Variants in SIK2 observed in about 807,000 individuals in gnomAD.
The protein encoded by SIK2 is salt inducible kinase 2.
In SIK2, 29 loss-of-function variants were observed where a neutral mutation model predicts 103.2. The observed-to-expected ratio is 0.28, with a 90% CI of 0.21 to 0.38. SIK2 has a LOEUF of 0.38. Ranked by LOEUF, SIK2 falls within the 10% of genes least tolerant of loss-of-function variation. SIK2 has a pLI of 1.00. For synonymous variants in SIK2, 412 were observed against 446.1 expected (o/e 0.92, Z 0.96); for missense variants, 879 against 1,171.0 (o/e 0.75, Z 3.64).
intron 4 of SIK2, among the ~76,000 whole-genome samples, chr11:111,697,452 A>T (rs1007245317): frequency 9.2e-5 from 14 of 152,202 alleles, no homozygotes; most frequent in African/African-American, 3.4e-4. Context: ...AATAAATAAT[A>T]ATAGCAATGA....
chr11:111,632,834 T>C (rs1279334236), intron 3 of SIK2, among the ~76,000 whole-genome samples: 1 of 152,144 alleles, frequency 6.6e-6, no homozygotes, highest in Non-Finnish European at 1.5e-5. Context: ...ATATTAACAG[T>C]AAAGAATAGA....
At position 111,721,950 on chromosome 11, in the gene SIK2, T is replaced by A; in HGVS notation, c.2055+10T>A. The A allele has an allele frequency of 6.4e-7, 1 of 1,568,946 alleles. No homozygotes were observed. Among genetic ancestry groups the A allele is most frequent in the Non-Finnish European group, 8.6e-7 (1 of 1,158,950 alleles). The stretch of plus-strand genomic sequence containing the variant: ...GCAGCACAGACTCCAGGTGGGTCCT[T>A]CTCCTTGCGAGTCCACCTCACTCTG... On this transcript the variant is annotated intron_variant, in intron 13 of 14. Transcript: ENST00000304987.
intron 3 of SIK2, among the ~76,000 whole-genome samples, chr11:111,659,378 G>C (rs898375546): frequency 6.6e-6 from 1 of 152,152 alleles, no homozygotes; most frequent in Non-Finnish European, 1.5e-5. Flanking sequence ...CCCAACTCTT[G>C]TGAAGGGAAA....
rs750481258 is a variant in SIK2 at position 111,701,208 on chromosome 11, A to G, written c.603+198A>G. 8.5e-5 allele frequency among the ~76,000 whole-genome samples: 13 copies of G among 152,232 alleles called. No homozygotes were observed. Among genetic ancestry groups the G allele is most frequent in the Admixed American group, 2.6e-4 (4 of 15,282 alleles). ...TCTAAGGATAGGTGTTGTCATCCTA[A>G]TATCAGCAGTAATTTAAAGTTAAGT... On this transcript the variant is annotated intron_variant, in intron 5 of 14. Transcript: ENST00000304987. This position sits in a 1 kb window ranked among gnomAD's most constrained non-coding sequence, Gnocchi z 4.2.
At chr11:111,618,746 T>C (rs1379061985) in intron 2 of SIK2, among the ~76,000 whole-genome samples, 1 of 152,174 alleles carries the variant, frequency 6.6e-6, no homozygotes, top group Non-Finnish European at 1.5e-5. Flanking sequence ...AATTTTTTTT[T>C]AAAAGAAAAC....
At chr11:111,700,333 A>C (rs1344337527) in intron 4 of SIK2, among the ~76,000 whole-genome samples, 1 of 152,210 alleles carries the variant, frequency 6.6e-6, no homozygotes, top group Non-Finnish European at 1.5e-5. Flanking sequence ...TTAATGAGCT[A>C]TTCAGATGGT....
rs754802911 is a variant in SIK2, at chr11:111,703,188, T to C, written c.728-15T>C. The C allele has an allele frequency of 2.2e-5, 36 of 1,611,516 alleles. No homozygotes were observed. The highest frequency in any genetic ancestry group is 2.9e-5 in the Non-Finnish European group (34 of 1,178,198). On this transcript the variant is annotated splice_polypyrimidine_tract_variant and intron_variant, in intron 6 of 14. Transcript: ENST00000304987. ...GGTGATTCTTGTGACTTTTGTAACA[T>C]TGTGTTTTCTATAGATTGCGAGCAC...
intron 3 of SIK2, among the ~76,000 whole-genome samples, chr11:111,654,184 G>C (rs776476518): frequency 2.6e-5 from 4 of 152,110 alleles, no homozygotes; most frequent in Non-Finnish European, 5.9e-5. Flanking sequence ...TACAAAATAA[G>C]TGCATCTGAA....
intron 7 of SIK2, among the ~76,000 whole-genome samples, chr11:111,704,179 C>G (rs952958189): frequency 1.1e-4 from 17 of 152,144 alleles, no homozygotes; most frequent in Non-Finnish European, 2.5e-4. Context: ...CACTTTGCGC[C>G]CAGTGATGTT....
chr11:111,638,325 G>A (rs1211024268), intron 3 of SIK2, among the ~76,000 whole-genome samples: 2 of 152,190 alleles, frequency 1.3e-5, no homozygotes, highest in East Asian at 3.9e-4. Flanking sequence ...TTTCTACTGG[G>A]GTAGAAATCA....
chr11:111,683,086 A>G (rs1303219730), intron 3 of SIK2: 2 of 152,282 alleles, frequency 1.3e-5, no homozygotes, highest in Non-Finnish European at 2.9e-5. Flanking sequence ...TAAAAACTGT[A>G]TTTATTCATC....
intron 3 of SIK2, chr11:111,671,916 C>T (rs1377947629): frequency 9.1e-6 from 4 of 440,924 alleles, no homozygotes; most frequent in Non-Finnish European, 1.8e-5. Flanking sequence ...TTCAGCTTCT[C>T]TGACCCAGAG....
At chr11:111,671,189 T>A in intron 3 of SIK2, 1 of 258,118 alleles carries the variant, frequency 3.9e-6, no homozygotes, top group Non-Finnish European at 7.6e-6. Context: ...ATATTCTGCA[T>A]CCCAGACTCC....
intron 6 of SIK2, among the ~76,000 whole-genome samples, chr11:111,702,894 CTTAT>C (rs1410695794): frequency 1.4e-5 from 2 of 139,676 alleles, no homozygotes; most frequent in Non-Finnish European, 3.1e-5. Flanking sequence ...AGGAATGAGG[CTTAT>C]TTCTTTCCTT....
chr11:111,697,299 G>A (rs1374979557), intron 4 of SIK2, among the ~76,000 whole-genome samples: 1 of 152,148 alleles, frequency 6.6e-6, no homozygotes, highest in African/African-American at 2.4e-5. Context: ...TTAAGAGGTG[G>A]GAACAACATA....
At chr11:111,664,648 T>G (rs1331643738) in intron 3 of SIK2, among the ~76,000 whole-genome samples, 1 of 152,112 alleles carries the variant, frequency 6.6e-6, no homozygotes, top group Non-Finnish European at 1.5e-5. Flanking sequence ...CTTTCAGGGT[T>G]AATTCTGACA....
At chr11:111,693,114 ACGAGGGCAGGATTT>A (rs960260502) in intron 4 of SIK2, among the ~76,000 whole-genome samples, 1 of 152,050 alleles carries the variant, frequency 6.6e-6, no homozygotes, top group African/African-American at 2.4e-5. Flanking sequence ...TGGGCGGATC[ACGAGGGCAGGATTT>A]CGAGACCATC....
intron 8 of SIK2, among the ~76,000 whole-genome samples, chr11:111,706,007 C>A (rs1943336192): frequency 6.6e-6 from 1 of 152,176 alleles, no homozygotes; most frequent in South Asian, 2.1e-4. Flanking sequence ...TTCGGAGAGG[C>A]AGCTCAGTGT....
chr11:111,628,001 T>C (rs1469481992), intron 3 of SIK2, among the ~76,000 whole-genome samples: 1 of 152,206 alleles, frequency 6.6e-6, no homozygotes, highest in Non-Finnish European at 1.5e-5. Context: ...TTAATCTTCC[T>C]AAAGTATTAT....
Sources: allele counts gnomAD v4.1 joint callset (sites outside exome capture counted in the v4.1 genomes callset), GRCh38; gene constraint gnomAD v4.1.1; non-coding constraint Gnocchi (gnomAD v3.1); transcripts MANE v1.5; gene names NCBI Gene and HGNC (gene_info 2026-07-23, HGNC 2026-07-21).